The following LRRC52 variants were observed in gnomAD, a reference collection of about 807,000 sequenced individuals.
The protein encoded by LRRC52 is leucine rich repeat containing 52.
In LRRC52, 15 loss-of-function variants were observed where a neutral mutation model predicts 14.7. The observed-to-expected ratio is 1.02, with a 90% CI of 0.68 to 1.58. The LOEUF (loss-of-function observed/expected upper bound fraction) is 1.58. LRRC52 is among the 40% of genes most tolerant of loss of function. LRRC52 has a pLI of 0.00. For missense variants in LRRC52, 400 were observed against 387.7 expected (o/e 1.03, Z -0.27); for synonymous variants, 180 against 163.9 (o/e 1.10, Z -0.75).
rs745990615 is a variant in LRRC52 at position 165,544,632 on chromosome 1, C to T, written c.336C>T (p.Asn112=). 1 of 1,614,010 alleles carries T rather than the reference C, an allele frequency of 6.2e-7. No individual in the cohort carries two copies. Reference sequence around the variant, plus strand: ...TCTACCTTGACCTCAGCTCCAACAACCTAACCTCGATCTCCCCATTCACTT... The same window carrying T: ...TCTACCTTGACCTCAGCTCCAACAATCTAACCTCGATCTCCCCATTCACTT... ...KLIYLDLSSN[N]LTSISPFTFS... is the part of the protein sequence containing the mutation. The change falls in exon 1 of 2, where the codon AAC becomes AAT. Residue 112 remains asparagine (N), a synonymous_variant. Coordinates refer to ENST00000294818, the MANE Select transcript of LRRC52 (RefSeq NM_001005214.4).
chr1:165,549,530 G>A (rs1661087934), intron 1 of LRRC52, among the ~76,000 whole-genome samples: 1 of 152,180 alleles, frequency 6.6e-6, no homozygotes, highest in Non-Finnish European at 1.5e-5. Context: ...ATGAACTCCT[G>A]GGAAGAATAA....
At chr1:165,548,450 T>C (rs984770099) in intron 1 of LRRC52, among the ~76,000 whole-genome samples, 1 of 152,228 alleles carries the variant, frequency 6.6e-6, no homozygotes, top group Admixed American at 6.5e-5. Flanking sequence ...ATCTATGTCA[T>C]AGTTTAGTTG....
rs764843214 is a variant in LRRC52 at position 165,549,598 on chromosome 1, G to C, written c.622+4680G>C. ...TATCAGAAGGAGGAGTTAATTCTTGGGAATTTGATTAGCTAAGATTAATTC... is the reference window on the plus strand; with the variant it reads ...TATCAGAAGGAGGAGTTAATTCTTGCGAATTTGATTAGCTAAGATTAATTC... On this transcript the variant is annotated intron_variant, in intron 1 of 1. Coordinates refer to ENST00000294818, the MANE Select transcript of LRRC52 (RefSeq NM_001005214.4). Among the ~76,000 whole-genome samples the C allele has an allele frequency of 7.9e-5, 12 of 152,276 alleles. No individual in the cohort carries two copies. In the South Asian group the frequency reaches 1.2e-3, roughly 16 times the overall value.
At chr1:165,554,805 AT>A (rs977213050) in intron 1 of LRRC52, among the ~76,000 whole-genome samples, 1 of 152,220 alleles carries the variant, frequency 6.6e-6, no homozygotes, top group African/African-American at 2.4e-5. Context: ...TAAAAATCCA[AT>A]GCATCCAATT....
chr1:165,562,892 C>T (rs1162282903), intron 1 of LRRC52, among the ~76,000 whole-genome samples: 3 of 151,924 alleles, frequency 2.0e-5, no homozygotes, highest in South Asian at 2.1e-4. Context: ...TGACTTGCTC[C>T]GGGGGGAAAG....
chr1:165,556,071 T>C (rs1042159221), intron 1 of LRRC52, among the ~76,000 whole-genome samples: 9 of 152,254 alleles, frequency 5.9e-5, no homozygotes, highest in African/African-American at 1.9e-4. Context: ...AGGGATTAAG[T>C]CATTTGCTTC....
At chr1:165,551,195 C>G (rs1661123538) in intron 1 of LRRC52, among the ~76,000 whole-genome samples, 1 of 151,466 alleles carries the variant, frequency 6.6e-6, no homozygotes, top group Non-Finnish European at 1.5e-5. Context: ...TAAAACAATG[C>G]CTCCACCCCA....
At chr1:165,562,775 T>C (rs79586623) in intron 1 of LRRC52, among the ~76,000 whole-genome samples, 24,114 of 152,112 alleles carry the variant, frequency 0.16, 2,062 homozygotes, top group South Asian at 0.22. Context: ...CTACTAAGAC[T>C]GACTGAAGAC....
At chr1:165,554,814 A>T (rs1661200638) in intron 1 of LRRC52, among the ~76,000 whole-genome samples, 1 of 152,246 alleles carries the variant, frequency 6.6e-6, no homozygotes, top group African/African-American at 2.4e-5. Flanking sequence ...AATGCATCCA[A>T]TTAAAACATA....
Position 165,544,214 on chromosome 1 carries a change from GCCCCACCCCCC to G in LRRC52, c.-81_-71del, listed in dbSNP as rs1040771225. On this transcript the variant is annotated 5_prime_UTR_variant, in exon 1 of 2. Coordinates refer to ENST00000294818, the MANE Select transcript of LRRC52 (RefSeq NM_001005214.4). ...CAGTTCTTTCCAGAGCCCCTCCCCC[GCCCCACCCCCC>G]CACCGGCAGCCTTCGGATCAGAGGA... is the stretch of plus-strand genomic sequence containing the variant. 37 of 407,486 alleles carry G rather than the reference GCCCCACCCCCC, an allele frequency of 9.1e-5. 3 individuals carry two copies. Among genetic ancestry groups the G allele is most frequent in the African/African-American group, 8.0e-4 (33 of 41,244 alleles). 25.2% of individuals were successfully genotyped at this position (407,486 alleles called of 1,614,324 possible).
At position 165,544,124 on chromosome 1, in the gene LRRC52, C is replaced by A; in HGVS notation, c.-173C>A. 2 of 793,916 alleles carry A rather than the reference C, an allele frequency of 2.5e-6. No individual in the cohort carries two copies. Among genetic ancestry groups the A allele is most frequent in the Non-Finnish European group, 3.9e-6 (2 of 510,308 alleles). The allele number at this position is 793,916 out of a possible 1,614,324, so 49.2% of individuals were successfully genotyped here. On this transcript the variant is annotated 5_prime_UTR_variant, in exon 1 of 2. Transcript: ENST00000294818. ...AGCTGGGCGGCAGGGCATTGAGCCT[C>A]GCGTTTCAATTTCTGTTCAGTTCTC... is the stretch of plus-strand genomic sequence containing the variant.
chr1:165,549,608 T>C (rs1235857819), intron 1 of LRRC52, among the ~76,000 whole-genome samples: 1 of 152,216 alleles, frequency 6.6e-6, no homozygotes. Flanking sequence ...GGAATTTGAT[T>C]AGCTAAGATT....
At position 165,544,780 on chromosome 1, in the gene LRRC52, T is replaced by C. The variant is rs1399176002; in HGVS notation, c.484T>C (p.Leu162=). The C allele has an allele frequency of 1.9e-6, 3 of 1,614,082 alleles. No individual in the cohort carries two copies. Among genetic ancestry groups the C allele is most frequent in the Non-Finnish European group, 2.5e-6 (3 of 1,180,010 alleles). ...GTACCTGGACCTCAGAAATACCGGCTTGCAGACCCTGGACAGTGCTGCCTT... is the reference window on the plus strand; with the variant it reads ...GTACCTGGACCTCAGAAATACCGGCCTGCAGACCCTGGACAGTGCTGCCTT... ...LRYLDLRNTG[L]QTLDSAALYH... The change falls in exon 1 of 2, where the codon TTG becomes CTG. Residue 162 remains leucine, a synonymous_variant. Coordinates refer to ENST00000294818, the MANE Select transcript of LRRC52 (RefSeq NM_001005214.4).
chr1:165,550,081 G>A (rs1557963731), intron 1 of LRRC52, among the ~76,000 whole-genome samples: 2 of 152,158 alleles, frequency 1.3e-5, no homozygotes, highest in Non-Finnish European at 2.9e-5. Context: ...TTTCCTTTCT[G>A]GCCCAGGTTA....
chr1:165,547,883 C>A (rs1661053965), intron 1 of LRRC52, among the ~76,000 whole-genome samples: 1 of 152,182 alleles, frequency 6.6e-6, no homozygotes, highest in Non-Finnish European at 1.5e-5. Flanking sequence ...AGCCAAACCT[C>A]AATGTAAGGA....
intron 1 of LRRC52, among the ~76,000 whole-genome samples, chr1:165,559,476 G>A (rs916272664): frequency 6.6e-6 from 1 of 152,142 alleles, no homozygotes; most frequent in Non-Finnish European, 1.5e-5. Context: ...TAAATAATTA[G>A]AGGAACTAGT....
chr1:165,544,238 T>C lies in LRRC52; in HGVS notation c.-59T>C. 7.6e-7 allele frequency: 1 copy of C among 1,315,248 alleles called. No individual in the cohort carries two copies. Among genetic ancestry groups the C allele is most frequent in the Non-Finnish European group, 1.0e-6 (1 of 982,338 alleles). 81.5% of individuals were successfully genotyped at this position (1,315,248 alleles called of 1,614,324 possible). ...CGCCCCACCCCCCCACCGGCAGCCTTCGGATCAGAGGACAGAGCCCGCAGG... is the reference window on the plus strand; with the variant it reads ...CGCCCCACCCCCCCACCGGCAGCCTCCGGATCAGAGGACAGAGCCCGCAGG... On this transcript the variant is annotated 5_prime_UTR_variant, in exon 1 of 2. Transcript: ENST00000294818.
chr1:165,561,029 G>A (rs1347450384), intron 1 of LRRC52, among the ~76,000 whole-genome samples: 1 of 152,102 alleles, frequency 6.6e-6, no homozygotes, highest in Non-Finnish European at 1.5e-5. Flanking sequence ...GGAAACAATG[G>A]AGATAGGGAG....
chr1:165,552,052 C>T (rs2101827330), intron 1 of LRRC52, among the ~76,000 whole-genome samples: 1 of 151,716 alleles, frequency 6.6e-6, no homozygotes, highest in African/African-American at 2.4e-5. Flanking sequence ...AGAACAGCAG[C>T]CTCCTGAGGG....
Sources: allele counts gnomAD v4.1 joint callset (sites outside exome capture counted in the v4.1 genomes callset), GRCh38; gene constraint gnomAD v4.1.1; transcripts MANE v1.5; gene names NCBI Gene and HGNC (gene_info 2026-07-23, HGNC 2026-07-21).